Variants in SEMA6A observed in about 807,000 individuals in gnomAD.
SEMA6A encodes semaphorin 6A, also known as semaphorin-6A.
In SEMA6A, 25 loss-of-function variants were observed where a neutral mutation model predicts 96.8. That is an observed-to-expected ratio of 0.26 (90% CI 0.19 to 0.36). The LOEUF (loss-of-function observed/expected upper bound fraction) is 0.36. Ranked by LOEUF, SEMA6A falls within the 10% of genes least tolerant of loss-of-function variation. The probability of loss-of-function intolerance (pLI) is 1.00; values close to 1 mark genes in which losing one functional copy is unlikely to be tolerated. For missense variants in SEMA6A, 1,363 were observed against 1,323.1 expected, an observed-to-expected ratio of 1.03 and a Z score of -0.47; for synonymous variants, 612 against 518.0, an observed-to-expected ratio of 1.18 and a Z score of -2.46.
Position 116,487,218 on chromosome 5 carries a change from C to A in SEMA6A, c.745-252G>T, listed in dbSNP as rs1757097769. 9.4e-6 allele frequency: 4 copies of A among 426,994 alleles called. No homozygotes were observed. The South Asian group carries it at 1.0e-4, about 11-fold the overall frequency. 26.5% of individuals were successfully genotyped at this position (426,994 alleles called of 1,614,324 possible). Reference sequence around the variant, plus strand: ...AATCCTTCAGGGAATCAGCTCCGAGCCACATAAAGTCATTTCCATACAGAC... The same window carrying A: ...AATCCTTCAGGGAATCAGCTCCGAGACACATAAAGTCATTTCCATACAGAC... On this transcript the variant is annotated intron_variant, in intron 9 of 18. Coordinates refer to ENST00000343348, the MANE Select transcript of SEMA6A (RefSeq NM_020796.5).
chr5:116,488,865 CCTT>C lies in SEMA6A; in HGVS notation c.655+20_655+22del, dbSNP rs765499946. The stretch of plus-strand genomic sequence containing the variant: ...GTGTATTCCCCTCCCCTCCGACCCT[CCTT>C]CTTTTAATTGTTTGTTCACCTTTCA... On this transcript the variant is annotated intron_variant, in intron 8 of 18. Transcript: ENST00000343348. 33 of 1,547,660 alleles carry C rather than the reference CCTT, an allele frequency of 2.1e-5. No homozygotes were observed. The highest frequency in any genetic ancestry group is 2.8e-5 in the Non-Finnish European group (32 of 1,144,550).
At chr5:116,499,416 G>A (rs1346995018) in intron 3 of SEMA6A, among the ~76,000 whole-genome samples, 3 of 150,800 alleles carry the variant, frequency 2.0e-5, no homozygotes, top group Non-Finnish European at 3.0e-5. Flanking sequence ...GGCGGGCGGG[G>A]GTTGGCCGGG....
intron 17 of SEMA6A, chr5:116,471,326 G>C (rs1756130765): frequency 6.6e-6 from 1 of 152,126 alleles, no homozygotes; most frequent in African/African-American, 2.4e-5. Context: ...GTTCATAAGA[G>C]TATCTCATAG....
chr5:116,496,286 C>T lies in SEMA6A; in HGVS notation c.307G>A (p.Asp103Asn), dbSNP rs759696349. The part of the protein sequence containing the change: ...KKLTWKSRQA[D>N]VDTCRMKGKH... ...CCCTTCATTCTGCATGTGTCTACAT[C>T]GGCCTGTCTAGATTTCCATGTCAGT... Residue 103 changes from aspartate (D) to asparagine (N), a missense_variant, in exon 5 of 19, where the codon GAT (aspartate) becomes AAT (asparagine). By Grantham distance (23) the Asp-to-Asn change is conservative. Around this residue, in one of 2 missense-constraint regions of SEMA6A, gnomAD observed 480 missense variants for 559.5 expected, o/e 0.86. Coordinates refer to ENST00000343348, the MANE Select transcript of SEMA6A (RefSeq NM_020796.5). The T allele has an allele frequency of 1.5e-5, 24 of 1,613,636 alleles. No individual in the cohort carries two copies. Among genetic ancestry groups the T allele is most frequent in the South Asian group, 8.8e-5 (8 of 91,058 alleles).
intron 1 of SEMA6A, among the ~76,000 whole-genome samples, chr5:116,549,061 C>A (rs2112880225): frequency 6.6e-6 from 1 of 152,292 alleles, no homozygotes; most frequent in South Asian, 2.1e-4. Flanking sequence ...AAATAAAAAT[C>A]ACTGTAAGCA....
At chr5:116,537,306 TG>T (rs1411460647) in intron 1 of SEMA6A, among the ~76,000 whole-genome samples, 1 of 152,222 alleles carries the variant, frequency 6.6e-6, no homozygotes, top group African/African-American at 2.4e-5. Flanking sequence ...GTAAAGAAGC[TG>T]TTCTTCCAGA....
At chr5:116,498,920 G>C (rs542977769) in intron 3 of SEMA6A, 2 of 152,270 alleles carry the variant, frequency 1.3e-5, no homozygotes, top group African/African-American at 2.4e-5. Flanking sequence ...TCCTCAGAAA[G>C]CTCTCAGATT....
chr5:116,532,935 T>A (rs941993624), intron 1 of SEMA6A, among the ~76,000 whole-genome samples: 1 of 152,184 alleles, frequency 6.6e-6, no homozygotes. Flanking sequence ...ATGACAGGTG[T>A]AAACAGTTTA....
chr5:116,482,208 C>T (rs1052057908), intron 11 of SEMA6A, among the ~76,000 whole-genome samples: 1 of 152,116 alleles, frequency 6.6e-6, no homozygotes, highest in Non-Finnish European at 1.5e-5. Context: ...AGATGGTTTC[C>T]ACCATTGTAG....
chr5:116,460,672 G>A (rs1456015677), intron 18 of SEMA6A, among the ~76,000 whole-genome samples: 1 of 151,958 alleles, frequency 6.6e-6, no homozygotes, highest in Non-Finnish European at 1.5e-5. Flanking sequence ...TGAGCATCCT[G>A]TATTTTGCCT....
At chr5:116,527,232 A>T (rs1759268524) in intron 1 of SEMA6A, among the ~76,000 whole-genome samples, 1 of 152,012 alleles carries the variant, frequency 6.6e-6, no homozygotes, top group African/African-American at 2.4e-5. Flanking sequence ...CATACTTAAC[A>T]TTATATATTT....
chr5:116,479,043 A>G (rs985706712), intron 12 of SEMA6A, among the ~76,000 whole-genome samples: 4 of 152,046 alleles, frequency 2.6e-5, no homozygotes, highest in African/African-American at 9.7e-5. Context: ...GGAAAAGACT[A>G]ATGTCTCCTA....
rs113431602 is a variant in SEMA6A, at chr5:116,509,607, T to TGAGAGAGA, written c.-38-4633_-38-4626dup. On this transcript the variant is annotated intron_variant, in intron 1 of 18. Coordinates refer to ENST00000343348, the MANE Select transcript of SEMA6A (RefSeq NM_020796.5). ...GTGAAGAAGGGTGTCTCTGTGTGTG[T>TGAGAGAGA]GAGAGAGAGAGAGAGAGCATGCGAT... 3.5e-3 allele frequency among the ~76,000 whole-genome samples: 521 copies of TGAGAGAGA among 150,540 alleles called. 5 individuals are homozygous for TGAGAGAGA. Among genetic ancestry groups the TGAGAGAGA allele is most frequent in the African/African-American group, 0.01 (412 of 41,024 alleles).
chr5:116,468,991 T>C (rs1755938553), intron 17 of SEMA6A: 1 of 151,512 alleles, frequency 6.6e-6, no homozygotes, highest in Admixed American at 6.6e-5. Flanking sequence ...AAGTTGGATT[T>C]CCCCCCAGGA....
At chr5:116,525,439 GT>G (rs943697712) in intron 1 of SEMA6A, among the ~76,000 whole-genome samples, 2 of 152,092 alleles carry the variant, frequency 1.3e-5, no homozygotes, top group Non-Finnish European at 2.9e-5. Flanking sequence ...TATCCTTTGA[GT>G]TTCACTGGAA....
At chr5:116,553,138 C>CT (rs1287803944) in intron 1 of SEMA6A, among the ~76,000 whole-genome samples, 1 of 152,218 alleles carries the variant, frequency 6.6e-6, no homozygotes, top group African/African-American at 2.4e-5. Flanking sequence ...AACTATATTA[C>CT]TTTGAATAAT....
At chr5:116,567,148 T>C (rs1761054292) in intron 1 of SEMA6A, among the ~76,000 whole-genome samples, 1 of 152,144 alleles carries the variant, frequency 6.6e-6, no homozygotes. Flanking sequence ...TTGTTATTAT[T>C]ATTATTTTTT....
chr5:116,559,254 A>T (rs1311559781), intron 1 of SEMA6A, among the ~76,000 whole-genome samples: 1 of 152,060 alleles, frequency 6.6e-6, no homozygotes, highest in Non-Finnish European at 1.5e-5. Flanking sequence ...CTAGTGAAAG[A>T]TTCTCTCCCC....
chr5:116,531,323 C>T (rs576613698), intron 1 of SEMA6A, among the ~76,000 whole-genome samples: 54 of 152,084 alleles, frequency 3.6e-4, no homozygotes, highest in Non-Finnish European at 6.9e-4. Context: ...ACAAAGTAAA[C>T]GCTGCACTTT....
Sources: allele counts gnomAD v4.1 joint callset (sites outside exome capture counted in the v4.1 genomes callset), GRCh38; gene constraint gnomAD v4.1.1; regional missense constraint gnomAD v4.1.1; transcripts MANE v1.5; gene names NCBI Gene and HGNC (gene_info 2026-07-23, HGNC 2026-07-21).